The following COL23A1 variants were observed in gnomAD, a reference collection of about 807,000 sequenced individuals.
The protein encoded by COL23A1 is collagen type XXIII alpha 1 chain.
Under a neutral mutation model 99.3 loss-of-function variants are expected in COL23A1, and 97 were observed. The ratio of observed to expected loss-of-function variants is 0.98; its 90% CI spans 0.83 to 1.16. The LOEUF is 1.16. Ranked by LOEUF, COL23A1 falls within the 50% of genes most tolerant of loss-of-function variation. COL23A1 has a pLI of 0.00. For missense variants in COL23A1, 762 were observed against 757.4 expected (o/e 1.01, Z -0.07); for synonymous variants, 320 against 308.2 (o/e 1.04, Z -0.40).
At chr5:178,545,706 T>C (rs1761543209) in intron 2 of COL23A1, among the ~76,000 whole-genome samples, 1 of 151,990 alleles carries the variant, frequency 6.6e-6, no homozygotes, top group African/African-American at 2.4e-5. Context: ...GATGATGTGC[T>C]TTTCCACAGG....
chr5:178,429,897 C>T (rs961374659), intron 2 of COL23A1, among the ~76,000 whole-genome samples: 2 of 152,190 alleles, frequency 1.3e-5, no homozygotes, highest in Non-Finnish European at 2.9e-5. Flanking sequence ...CTGCACCACT[C>T]CCCAGGCATG....
intron 2 of COL23A1, among the ~76,000 whole-genome samples, chr5:178,375,381 C>A (rs997169308): frequency 2.0e-4 from 30 of 152,320 alleles, no homozygotes; most frequent in African/African-American, 6.7e-4. Context: ...CGACTGCCTC[C>A]AGGCACCACC....
Position 178,589,972 on chromosome 5 carries a change from G to T in COL23A1, c.226C>A (p.Arg76=). 7.5e-7 allele frequency: 1 copy of T among 1,331,352 alleles called. No homozygotes were observed. Among genetic ancestry groups the T allele is most frequent in the South Asian group, 2.0e-5 (1 of 50,400 alleles). 82.5% of individuals were successfully genotyped at this position (1,331,352 alleles called of 1,614,324 possible). A position where few individuals can be genotyped will look rare whatever the true frequency, so the allele number is the denominator to read the frequency against. Reference sequence around the variant, plus strand: ...AGGGCGCCTGGCGGCCCCGCGCGCCGCAGCAGCTCCCGCTCCTCCTCGAGC... The same window carrying T: ...AGGGCGCCTGGCGGCCCCGCGCGCCTCAGCAGCTCCCGCTCCTCCTCGAGC... ...AALEEERELL[R]RAGPPGALDA... is the part of the protein sequence containing the mutation. Residue 76 remains arginine (R), a synonymous_variant, in exon 1 of 29, where the codon CGG becomes AGG. Coordinates refer to ENST00000390654, the MANE Select transcript of COL23A1 (RefSeq NM_173465.4). This position sits in a 1 kb window ranked among gnomAD's most constrained non-coding sequence, Gnocchi z 5.4.
At chr5:178,298,781 G>A (rs1159764419) in intron 3 of COL23A1, among the ~76,000 whole-genome samples, 6 of 152,168 alleles carry the variant, frequency 3.9e-5, no homozygotes, top group East Asian at 3.8e-4. Context: ...GGCTAGTCTC[G>A]AACTCCTGAC....
chr5:178,482,779 G>A (rs1386717072), intron 2 of COL23A1, among the ~76,000 whole-genome samples: 1 of 152,214 alleles, frequency 6.6e-6, no homozygotes, highest in Non-Finnish European at 1.5e-5. Context: ...GCGGGTGCCT[G>A]TAGTCCCAGC....
At chr5:178,423,996 C>T (rs1205745656) in intron 2 of COL23A1, among the ~76,000 whole-genome samples, 1 of 152,162 alleles carries the variant, frequency 6.6e-6, no homozygotes, top group African/African-American at 2.4e-5. Flanking sequence ...GAAATTGACA[C>T]TTGGAAGAAT....
chr5:178,360,115 C>A (rs1488400239), intron 2 of COL23A1, among the ~76,000 whole-genome samples: 1 of 152,182 alleles, frequency 6.6e-6, no homozygotes, highest in Non-Finnish European at 1.5e-5. Context: ...TGCCAGCCTG[C>A]TGACATGCGA....
At chr5:178,336,592 T>G (rs1251930409) in intron 2 of COL23A1, among the ~76,000 whole-genome samples, 1 of 152,210 alleles carries the variant, frequency 6.6e-6, no homozygotes, top group East Asian at 1.9e-4. Context: ...GGAGAGCCAC[T>G]GCTTACAGGG....
At chr5:178,273,662 G>A (rs1316007083) in intron 5 of COL23A1, among the ~76,000 whole-genome samples, 3 of 152,334 alleles carry the variant, frequency 2.0e-5, no homozygotes, top group South Asian at 4.1e-4. Flanking sequence ...CACAGCAGAC[G>A]GGGCTGGGCC....
intron 2 of COL23A1, among the ~76,000 whole-genome samples, chr5:178,472,319 T>C (rs1424209601): frequency 6.6e-6 from 1 of 152,144 alleles, no homozygotes; most frequent in East Asian, 1.9e-4. Context: ...TATCCCAATG[T>C]GCACTTTTGT....
chr5:178,287,944 C>T (rs189256998), intron 5 of COL23A1, among the ~76,000 whole-genome samples: 510 of 152,336 alleles, frequency 3.3e-3, no homozygotes, highest in African/African-American at 0.011. Context: ...CTCCTGTTAT[C>T]GAGTGATGAC....
intron 2 of COL23A1, among the ~76,000 whole-genome samples, chr5:178,512,041 T>C (rs573737215): frequency 6.6e-6 from 1 of 152,336 alleles, no homozygotes; most frequent in East Asian, 1.9e-4. Context: ...TGAGTGTCAT[T>C]TGACCCAACA....
At chr5:178,295,508 A>T (rs1188815318) in intron 3 of COL23A1, among the ~76,000 whole-genome samples, 2 of 152,240 alleles carry the variant, frequency 1.3e-5, no homozygotes, top group Non-Finnish European at 2.9e-5. Flanking sequence ...GGCAATGAGG[A>T]CAGTCACCTC....
intron 16 of COL23A1, among the ~76,000 whole-genome samples, chr5:178,253,361 C>A (rs994863575): frequency 3.9e-5 from 6 of 151,996 alleles, no homozygotes; most frequent in Non-Finnish European, 8.8e-5. Context: ...ATCTACCCTC[C>A]CCCAGGCCCA....
chr5:178,375,521 G>T (rs540873588), intron 2 of COL23A1, among the ~76,000 whole-genome samples: 1 of 152,140 alleles, frequency 6.6e-6, no homozygotes. Flanking sequence ...CTCACCTCAC[G>T]ATGGCCCAAA....
At chr5:178,568,482 T>C (rs904750463) in intron 1 of COL23A1, among the ~76,000 whole-genome samples, 1 of 152,226 alleles carries the variant, frequency 6.6e-6, no homozygotes, top group African/African-American at 2.4e-5. Flanking sequence ...AAATTAACCA[T>C]TTTAAAGTGA....
chr5:178,522,361 A>G, intron 2 of COL23A1, among the ~76,000 whole-genome samples: 1 of 152,188 alleles, frequency 6.6e-6, no homozygotes, highest in East Asian at 1.9e-4. Context: ...AGACATACAT[A>G]TTTAGCCCAC....
intron 2 of COL23A1, among the ~76,000 whole-genome samples, chr5:178,371,413 G>A (rs1214182021): frequency 2.0e-5 from 3 of 152,196 alleles, no homozygotes; most frequent in Non-Finnish European, 4.4e-5. Context: ...CTGGAGGAGG[G>A]GCCGGCTGCA....
rs113706596 is a variant in COL23A1 at position 178,384,891 on chromosome 5, C to T, written c.362-77972G>A. On this transcript the variant is annotated intron_variant, in intron 2 of 28. Transcript: ENST00000390654. The surrounding 1 kb of genome is among the most constrained non-coding windows in gnomAD (Gnocchi z 5.5). Reference sequence around the variant, plus strand: ...GGAAATAGCCTGCAAGGAGGAAGAGCGCGGTGAGAGGTCAAATGGGTGGCG... The same window carrying T: ...GGAAATAGCCTGCAAGGAGGAAGAGTGCGGTGAGAGGTCAAATGGGTGGCG... Among the ~76,000 whole-genome samples the T allele has an allele frequency of 8.7e-3, 1,317 of 152,254 alleles. 24 individuals carry two copies. The highest frequency in any genetic ancestry group is 0.03 in the African/African-American group (1,245 of 41,548).
Sources: gnomAD v4.1 joint callset for allele counts (sites outside exome capture counted in the v4.1 genomes callset) on GRCh38, gnomAD v4.1.1 for gene constraint, Gnocchi (gnomAD v3.1) non-coding constraint, MANE v1.5 for transcripts, NCBI Gene and HGNC (gene_info 2026-07-23, HGNC 2026-07-21) for gene names.